The following HYCC2 variants were observed in gnomAD, a reference collection of about 807,000 sequenced individuals.
The protein encoded by HYCC2 is hyccin 2.
At chr2:201,026,583 A>G in the HYCC2 span, among the ~76,000 whole-genome samples, 7 of 152,248 alleles carry the variant, frequency 4.6e-5, no homozygotes, top group Non-Finnish European at 7.3e-5. Context: ...TCCTCAGCAA[A>G]TGTAAAAGAA....
the HYCC2 span, among the ~76,000 whole-genome samples, chr2:201,043,121 A>G: frequency 6.6e-6 from 1 of 152,188 alleles, no homozygotes; most frequent in Non-Finnish European, 1.5e-5. Flanking sequence ...GTTAATCTAT[A>G]ACCTTACCCC....
At chr2:200,983,467 T>A in the HYCC2 span, among the ~76,000 whole-genome samples, 29 of 152,220 alleles carry the variant, frequency 1.9e-4, no homozygotes, top group Admixed American at 7.2e-4. Context: ...TTCTAAAGAA[T>A]GAAATAAGCT....
the HYCC2 span, among the ~76,000 whole-genome samples, chr2:201,064,549 A>G: frequency 6.6e-6 from 1 of 152,148 alleles, no homozygotes; most frequent in Non-Finnish European, 1.5e-5. Flanking sequence ...GGTGTAGTTG[A>G]ACTGATAGTT....
chr2:201,032,597 T>C, the HYCC2 span, among the ~76,000 whole-genome samples: 1 of 152,312 alleles, frequency 6.6e-6, no homozygotes, highest in Admixed American at 6.5e-5. Flanking sequence ...TTTTTATATT[T>C]TGATGCAATT....
the HYCC2 span, among the ~76,000 whole-genome samples, chr2:201,068,472 G>C: frequency 3.9e-5 from 6 of 152,116 alleles, no homozygotes; most frequent in Non-Finnish European, 8.8e-5. Flanking sequence ...CTCTGAAGTG[G>C]AAGCCAGTGG....
At chr2:201,023,327 T>C in the HYCC2 span, among the ~76,000 whole-genome samples, 1 of 151,314 alleles carries the variant, frequency 6.6e-6, no homozygotes, top group African/African-American at 2.4e-5. Flanking sequence ...CCAGCCTGGG[T>C]GACAGAGCGA....
At chr2:200,992,975 G>A in the HYCC2 span, 2 of 1,613,594 alleles carry the variant, frequency 1.2e-6, no homozygotes, top group Non-Finnish European at 8.5e-7. Flanking sequence ...TGTTTTTCAT[G>A]TTGCCGTGGA....
At chr2:201,037,713 C>G in the HYCC2 span, among the ~76,000 whole-genome samples, 1 of 152,132 alleles carries the variant, frequency 6.6e-6, no homozygotes, top group East Asian at 1.9e-4. Context: ...ATCTGGATGC[C>G]TTCCTTATAC....
the HYCC2 span, among the ~76,000 whole-genome samples, chr2:201,015,584 CAA>C: frequency 6.6e-6 from 1 of 152,038 alleles, no homozygotes; most frequent in Non-Finnish European, 1.5e-5. Context: ...ATTTATAATT[CAA>C]AAGTCTCTCT....
the HYCC2 span, chr2:200,981,233 T>G: frequency 6.3e-7 from 1 of 1,596,288 alleles, no homozygotes; most frequent in Non-Finnish European, 8.6e-7. The surrounding 1 kb of genome is among the most constrained non-coding windows in gnomAD (Gnocchi z 4.5). Context: ...ATGTTCAGTT[T>G]AAAAGGTAAG....
At chr2:200,977,220 A>G in the HYCC2 span, 2 of 152,208 alleles carry the variant, frequency 1.3e-5, no homozygotes, top group Non-Finnish European at 2.9e-5. Flanking sequence ...ACCAACTACT[A>G]GACCAGAACT....
the HYCC2 span, among the ~76,000 whole-genome samples, chr2:201,056,823 G>C: frequency 6.6e-6 from 1 of 152,172 alleles, no homozygotes; most frequent in South Asian, 2.1e-4. Context: ...CAGACCACCA[G>C]GCACTTAAGT....
the HYCC2 span, chr2:200,988,492 A>G: frequency 9.0e-7 from 1 of 1,117,296 alleles, no homozygotes; most frequent in African/African-American, 1.6e-5. Flanking sequence ...ACATGTGTCC[A>G]TAATTTTCGA....
At chr2:200,978,508 C>T in the HYCC2 span, 2 of 116,786 alleles carry the variant, frequency 1.7e-5, no homozygotes, top group Admixed American at 1.2e-4. Flanking sequence ...TGGAGTCTTG[C>T]ACTGTTGCCT....
At chr2:201,023,851 TTA>T in the HYCC2 span, 7 of 790,582 alleles carry the variant, frequency 8.9e-6, no homozygotes, top group Non-Finnish European at 1.2e-5. Flanking sequence ...TACCATATTT[TTA>T]TGTTTCTCCA....
At chr2:201,050,321 G>A in the HYCC2 span, among the ~76,000 whole-genome samples, 1 of 151,304 alleles carries the variant, frequency 6.6e-6, no homozygotes, top group African/African-American at 2.4e-5. Context: ...GAAAGAAACA[G>A]AATATCCAAA....
At chr2:200,979,199 A>C in the HYCC2 span, 2 of 151,630 alleles carry the variant, frequency 1.3e-5, no homozygotes, top group African/African-American at 4.8e-5. Context: ...ACATCCCTTA[A>C]ATTAAAAGAA....
chr2:201,005,758 A>C, the HYCC2 span, among the ~76,000 whole-genome samples: 1 of 152,214 alleles, frequency 6.6e-6, no homozygotes, highest in African/African-American at 2.4e-5. Context: ...TCCAAGGTAG[A>C]AAAGTCGGAG....
the HYCC2 span, among the ~76,000 whole-genome samples, chr2:201,028,185 A>G: frequency 6.6e-6 from 1 of 152,176 alleles, no homozygotes; most frequent in African/African-American, 2.4e-5. Context: ...ACAAACAAAG[A>G]GCCAAATCAT....
Sources: gnomAD v4.1 joint callset for allele counts (sites outside exome capture counted in the v4.1 genomes callset) on GRCh38, gnomAD v4.1.1 for gene constraint, Gnocchi (gnomAD v3.1) non-coding constraint, MANE v1.5 for transcripts, NCBI Gene and HGNC (gene_info 2026-07-23, HGNC 2026-07-21) for gene names.